Variants in ANTXR2 observed in about 807,000 individuals in gnomAD.
The protein encoded by ANTXR2 is anthrax toxin receptor 2.
Under a neutral mutation model 73.7 loss-of-function variants are expected in ANTXR2, and 44 were observed. The ratio of observed to expected loss-of-function variants is 0.60; its 90% CI spans 0.47 to 0.77. The LOEUF is 0.77. ANTXR2 is among the 30% of genes least tolerant of loss of function. The pLI, the probability that ANTXR2 is intolerant of heterozygous loss-of-function variation, is 0.00. For missense variants in ANTXR2, 604 were observed against 592.5 expected (o/e 1.02, Z -0.20); for synonymous variants, 217 against 205.9 (o/e 1.05, Z -0.46).
At chr4:80,059,935 T>C (rs531075864) in intron 3 of ANTXR2, among the ~76,000 whole-genome samples, 8 of 152,292 alleles carry the variant, frequency 5.3e-5, no homozygotes, top group African/African-American at 1.7e-4. Flanking sequence ...GAATCCTGAA[T>C]TGACCAACTA....
chr4:79,917,149 G>T (rs1727385315), intron 16 of ANTXR2, among the ~76,000 whole-genome samples: 1 of 152,140 alleles, frequency 6.6e-6, no homozygotes, highest in Admixed American at 6.6e-5. Context: ...GTGTGGAGAG[G>T]TCCTACCACA....
intron 16 of ANTXR2, among the ~76,000 whole-genome samples, chr4:79,962,266 C>T (rs943259392): frequency 6.6e-6 from 1 of 151,976 alleles, no homozygotes; most frequent in Admixed American, 6.6e-5. Flanking sequence ...TATAAACATG[C>T]TATATGCACA....
rs550259628 is a variant in ANTXR2 at position 79,907,964 on chromosome 4, C to T, written c.1429-497G>A. ...TGAAGGATTTTTGCAAAATCATGTCCATTGTTACTGACCATTTCTCACCAC... is the reference window on the plus strand; with the variant it reads ...TGAAGGATTTTTGCAAAATCATGTCTATTGTTACTGACCATTTCTCACCAC... On this transcript the variant is annotated intron_variant, in intron 16 of 16. Transcript: ENST00000403729. 2.6e-5 allele frequency among the ~76,000 whole-genome samples: 4 copies of T among 152,170 alleles called. No homozygotes were observed. In the South Asian group the frequency reaches 6.2e-4, roughly 24 times the overall value.
At chr4:80,072,334 C>A in intron 1 of ANTXR2, 75 bp downstream of exon 1, 2 of 1,439,118 alleles carry the variant, frequency 1.4e-6, no homozygotes, top group Admixed American at 2.6e-5. Context: ...GGTGCGCACA[C>A]GCATCTCAGC....
At chr4:79,990,109 A>T (rs1730392778) in intron 12 of ANTXR2, among the ~76,000 whole-genome samples, 1 of 151,900 alleles carries the variant, frequency 6.6e-6, no homozygotes, top group South Asian at 2.1e-4. Flanking sequence ...CTATTCAGTA[A>T]AGTCCTGGAA....
chr4:79,993,634 A>G (rs752078379), intron 12 of ANTXR2, among the ~76,000 whole-genome samples: 1 of 151,910 alleles, frequency 6.6e-6, no homozygotes, highest in Non-Finnish European at 1.5e-5. Context: ...AATTCAGTCC[A>G]TTGGCAAGGA....
At chr4:80,004,730 T>G (rs1191914206) in intron 12 of ANTXR2, among the ~76,000 whole-genome samples, 2 of 152,110 alleles carry the variant, frequency 1.3e-5, no homozygotes, top group African/African-American at 4.8e-5. Flanking sequence ...TAAAGTCCCT[T>G]TTGCTATATC....
At position 79,905,470 on chromosome 4, in the gene ANTXR2, G is replaced by A. The variant is rs1726864963; in HGVS notation, c.*1959C>T. ...ATCTGTGAACATGAGGGACATTTTG[G>A]AACTGAATAGAATTCCATCCCTGAA... On this transcript the variant is annotated 3_prime_UTR_variant, in exon 17 of 17. Transcript: ENST00000403729. 1 of 152,084 alleles carries A rather than the reference G, an allele frequency of 6.6e-6. No homozygotes were observed. Among genetic ancestry groups the A allele is most frequent in the Non-Finnish European group, 1.5e-5 (1 of 68,008 alleles). The allele number at this position is 152,084 out of a possible 1,614,324, so 9.4% of individuals were successfully genotyped here.
intron 7 of ANTXR2, among the ~76,000 whole-genome samples, chr4:80,043,014 T>A (rs1180444327): frequency 6.6e-6 from 1 of 152,002 alleles, no homozygotes; most frequent in Non-Finnish European, 1.5e-5. Context: ...TCTGTAAGAC[T>A]TGTGCTGATA....
At chr4:80,032,749 A>C (rs1459861122) in intron 9 of ANTXR2, among the ~76,000 whole-genome samples, 1 of 151,896 alleles carries the variant, frequency 6.6e-6, no homozygotes, top group East Asian at 1.9e-4. Context: ...ATTTATATAG[A>C]TACTCAAGAT....
At position 80,018,011 on chromosome 4, in the gene ANTXR2, T is replaced by A. The variant is rs1731956492; in HGVS notation, c.945+887A>T. The stretch of plus-strand genomic sequence containing the variant: ...TCTTAAAATGAGAAATGCAACTACC[T>A]CTATACAGATAACATTGAATTGTTT... On this transcript the variant is annotated intron_variant, in intron 11 of 16. Coordinates refer to ENST00000403729, the MANE Select transcript of ANTXR2 (RefSeq NM_058172.6). Among the ~76,000 whole-genome samples, 4 of 152,294 alleles carry A rather than the reference T, an allele frequency of 2.6e-5. No homozygotes were observed. In the South Asian group the frequency reaches 8.3e-4, roughly 32 times the overall value.
chr4:79,976,815 T>C (rs538461806), intron 16 of ANTXR2, among the ~76,000 whole-genome samples: 5 of 152,292 alleles, frequency 3.3e-5, no homozygotes, highest in African/African-American at 1.2e-4. Context: ...GATTCCTTCT[T>C]AGATGAAGTT....
intron 12 of ANTXR2, among the ~76,000 whole-genome samples, chr4:79,993,167 A>G (rs1440734608): frequency 2.6e-5 from 4 of 152,000 alleles, no homozygotes; most frequent in Non-Finnish European, 5.9e-5. Context: ...TAGAATGTCT[A>G]GCACAAATTA....
intron 8 of ANTXR2, 69 bp downstream of exon 8, chr4:80,035,903 A>G: frequency 7.7e-7 from 1 of 1,297,476 alleles, no homozygotes; most frequent in Admixed American, 2.5e-5. Flanking sequence ...CATGAGTTTC[A>G]TATCATATAT....
chr4:79,926,917 G>GTGTATATATACACATGTGTGCATATATT (rs1727813565), intron 16 of ANTXR2, among the ~76,000 whole-genome samples: 1 of 93,112 alleles, frequency 1.1e-5, no homozygotes, highest in Non-Finnish European at 2.2e-5. Context: ...GTGCATATAT[G>GTGTATATATACACATGTGTGCATATATT]TGTATATATA....
chr4:80,065,783 G>GCTA (rs1386440683), intron 3 of ANTXR2, among the ~76,000 whole-genome samples: 1 of 152,158 alleles, frequency 6.6e-6, no homozygotes, highest in Non-Finnish European at 1.5e-5. Context: ...ACATGAAAGA[G>GCTA]CTACTTATTT....
chr4:79,923,392 T>G (rs1347636370), intron 16 of ANTXR2, among the ~76,000 whole-genome samples: 6 of 152,092 alleles, frequency 3.9e-5, no homozygotes, highest in African/African-American at 1.2e-4. Context: ...CACATGAATA[T>G]TCAAGTAGGC....
At chr4:79,919,504 C>T (rs1727481904) in intron 16 of ANTXR2, among the ~76,000 whole-genome samples, 1 of 152,034 alleles carries the variant, frequency 6.6e-6, no homozygotes, top group Non-Finnish European at 1.5e-5. Flanking sequence ...TCTGGGTTGT[C>T]ACCATCTAAT....
chr4:80,004,546 G>A (rs1731212274), intron 12 of ANTXR2, among the ~76,000 whole-genome samples: 1 of 152,024 alleles, frequency 6.6e-6, no homozygotes, highest in African/African-American at 2.4e-5. Context: ...GTGGCTGCCA[G>A]CATTCCTTGG....
Sources: allele counts gnomAD v4.1 joint callset (sites outside exome capture counted in the v4.1 genomes callset), GRCh38; gene constraint gnomAD v4.1.1; transcripts MANE v1.5; gene names NCBI Gene and HGNC (gene_info 2026-07-23, HGNC 2026-07-21).